The following UNC13B variants were observed in gnomAD, a reference collection of about 807,000 sequenced individuals.
UNC13B encodes protein unc-13 homolog B.
UNC13B carries 144 observed loss-of-function variants against 211.0 expected under a neutral mutation model. The ratio of observed to expected loss-of-function variants is 0.68; its 90% CI spans 0.60 to 0.78. The LOEUF (loss-of-function observed/expected upper bound fraction) is 0.78, where lower values mean the gene tolerates loss of function less well. Among genes scored for constraint, UNC13B ranks in the 30% least tolerant of loss-of-function variants. The pLI is 0.00. For missense variants in UNC13B, 1,777 were observed against 2,002.0 expected (o/e 0.89, Z 2.14); for synonymous variants, 709 against 725.8 (o/e 0.98, Z 0.37).
At chr9:35,218,756 T>C (rs972616917) in intron 1 of UNC13B, among the ~76,000 whole-genome samples, 1 of 151,546 alleles carries the variant, frequency 6.6e-6, no homozygotes, top group African/African-American at 2.4e-5. Flanking sequence ...TCTTTTCTCT[T>C]TTTTCTTTTT....
At chr9:35,170,790 TG>T (rs1022028248) in intron 1 of UNC13B, among the ~76,000 whole-genome samples, 1 of 151,844 alleles carries the variant, frequency 6.6e-6, no homozygotes, top group African/African-American at 2.4e-5. Context: ...TCTTTGAGTT[TG>T]GGGGTATTTT....
At chr9:35,390,877 G>A (rs1472623542) in intron 26 of UNC13B, among the ~76,000 whole-genome samples, 163 bp downstream of exon 26, 1 of 152,184 alleles carries the variant, frequency 6.6e-6, no homozygotes, top group African/African-American at 2.4e-5. Context: ...GAGACCTTGG[G>A]TGGGCAAAGT....
chr9:35,300,264 C>A lies in UNC13B; in HGVS notation c.860C>A (p.Ser287Tyr), dbSNP rs1241223809. The A allele has an allele frequency of 7.5e-6, 3 of 398,712 alleles. No individual in the cohort carries two copies. The highest frequency in any genetic ancestry group is 1.3e-5 in the Non-Finnish European group (3 of 226,018). The allele number at this position is 398,712 out of a possible 1,614,324, so 24.7% of individuals were successfully genotyped here. ...DSERRQYGERSETKTNYKSTY... is the reference protein window; with the variant it reads ...DSERRQYGERYETKTNYKSTY... ...GAAAGAAGGCAATATGGTGAGAGATCTGAAACTAAGACTAACTACAAAAGT... is the reference window on the plus strand; with the variant it reads ...GAAAGAAGGCAATATGGTGAGAGATATGAAACTAAGACTAACTACAAAAGT... Residue 287 changes from serine (S) to tyrosine (Y), a missense_variant, in exon 9 of 40, where the codon TCT becomes TAT. Physicochemically the swap from Ser to Tyr is moderately radical, Grantham distance 144. Transcript: ENST00000635942.
At chr9:35,368,527 CATCTGTCTTT>C (rs1350005009) in intron 12 of UNC13B, among the ~76,000 whole-genome samples, 1 of 152,130 alleles carries the variant, frequency 6.6e-6, no homozygotes, top group Non-Finnish European at 1.5e-5. Context: ...CATACTCATC[CATCTGTCTTT>C]ATGGTAGAAC....
intron 6 of UNC13B, among the ~76,000 whole-genome samples, chr9:35,256,227 T>C (rs897949197): frequency 3.9e-5 from 6 of 152,208 alleles, no homozygotes; most frequent in African/African-American, 1.4e-4. Flanking sequence ...CTTGAGTCTT[T>C]TTTGTTATTT....
chr9:35,312,530 C>G (rs759100908), intron 10 of UNC13B, among the ~76,000 whole-genome samples: 4 of 152,170 alleles, frequency 2.6e-5, no homozygotes, highest in Non-Finnish European at 5.9e-5. Context: ...GTGCCCAGCA[C>G]AAGTCCTTGT....
At chr9:35,391,758 A>G (rs1053973982) in intron 26 of UNC13B, among the ~76,000 whole-genome samples, 3 of 152,176 alleles carry the variant, frequency 2.0e-5, no homozygotes, top group Non-Finnish European at 4.4e-5. Flanking sequence ...ACCTGTGAAA[A>G]GTGAATCAAC....
chr9:35,382,740 T>C (rs1834941363), intron 21 of UNC13B, among the ~76,000 whole-genome samples: 1 of 151,890 alleles, frequency 6.6e-6, no homozygotes, highest in African/African-American at 2.4e-5. Flanking sequence ...TTTTTGTGCT[T>C]TTAGTAGAGA....
At position 35,384,300 on chromosome 9, in the gene UNC13B, C is replaced by T; in HGVS notation, c.10861C>T (p.Leu3621Phe). The change falls in exon 22 of 40, where the codon CTC becomes TTC. Residue 3621 changes from leucine to phenylalanine, a missense_variant. By Grantham distance (22) the Leu-to-Phe change is conservative (BLOSUM62 0). Transcript: ENST00000635942. ...DQLHNSLRID[L>F]STYRNNFPAG... ...GCTACACAACTCACTGAGGATCGACCTCTCTACATACAGGGTGAGTGAAGA... is the reference window on the plus strand; with the variant it reads ...GCTACACAACTCACTGAGGATCGACTTCTCTACATACAGGGTGAGTGAAGA... 1 of 1,613,952 alleles carries T rather than the reference C, an allele frequency of 6.2e-7. No individual in the cohort carries two copies. The highest frequency in any genetic ancestry group is 8.5e-7 in the Non-Finnish European group (1 of 1,179,952).
At chr9:35,195,006 T>C (rs1484876235) in intron 1 of UNC13B, among the ~76,000 whole-genome samples, 2 of 152,196 alleles carry the variant, frequency 1.3e-5, no homozygotes, top group East Asian at 1.9e-4. Context: ...CTGATTTACA[T>C]AGGGCTCACA....
chr9:35,344,556 A>G (rs1832232200), intron 11 of UNC13B, among the ~76,000 whole-genome samples: 1 of 152,144 alleles, frequency 6.6e-6, no homozygotes, highest in Non-Finnish European at 1.5e-5. Context: ...AAATTCAGAA[A>G]CAAATAAGAC....
intron 5 of UNC13B, among the ~76,000 whole-genome samples, chr9:35,242,558 A>G (rs548896363): frequency 6.6e-6 from 1 of 152,092 alleles, no homozygotes; most frequent in East Asian, 1.9e-4. Flanking sequence ...TTTGTGATGG[A>G]CTCATTTCAT....
chr9:35,227,969 T>C, intron 1 of UNC13B, 46 bp from the exon 2 acceptor site: 1 of 1,583,932 alleles, frequency 6.3e-7, no homozygotes, highest in Non-Finnish European at 8.6e-7. Context: ...TTAAGTAAAA[T>C]GAACTTGGAA....
Position 35,259,031 on chromosome 9 carries a change from C to G in UNC13B, c.507C>G (p.Pro169=), listed in dbSNP as rs749697363. 6.2e-7 allele frequency: 1 copy of G among 1,613,920 alleles called. No individual in the cohort carries two copies. The highest frequency in any genetic ancestry group is 8.5e-7 in the Non-Finnish European group (1 of 1,179,946). ...SQEESQRKPL[P]TAAAQCSFED... ...AAGAAAGCCAGAGGAAGCCATTGCC[C>G]ACTGCTGCCGCCCAGTGTTGTAAGT... Residue 169 remains proline (P), a synonymous_variant, in exon 7 of 40, where the codon CCC becomes CCG. Coordinates refer to ENST00000635942, the MANE Select transcript of UNC13B (RefSeq NM_001371189.2).
At chr9:35,294,811 T>A (rs1358980027) in intron 7 of UNC13B, among the ~76,000 whole-genome samples, 2 of 152,176 alleles carry the variant, frequency 1.3e-5, no homozygotes, top group Non-Finnish European at 2.9e-5. Flanking sequence ...AAAGCACTCT[T>A]AGGTTGAGCT....
chr9:35,172,306 A>C (rs923192559), intron 1 of UNC13B, among the ~76,000 whole-genome samples: 1 of 152,142 alleles, frequency 6.6e-6, no homozygotes, highest in African/African-American at 2.4e-5. Flanking sequence ...CACCTCAAAC[A>C]TCTTTCATAC....
chr9:35,335,333 T>C (rs1005549452), intron 11 of UNC13B, among the ~76,000 whole-genome samples: 41 of 152,238 alleles, frequency 2.7e-4, no homozygotes, highest in African/African-American at 9.6e-4. Flanking sequence ...GGGAGATCCA[T>C]GGCCTCTTGC....
rs1215023352 is a variant in UNC13B at position 35,194,743 on chromosome 9, A to G, written c.22+32438A>G. ...GTTTTGATGAGCGTTGTACCTTGGT[A>G]TCCTGAGTGAGCACCCTGACATGAT... On this transcript the variant is annotated intron_variant, in intron 1 of 39. Transcript: ENST00000635942. Among the ~76,000 whole-genome samples the G allele has an allele frequency of 5.3e-5, 8 of 152,340 alleles. No homozygotes were observed. In the East Asian group the frequency reaches 1.5e-3, roughly 29 times the overall value.
intron 7 of UNC13B, among the ~76,000 whole-genome samples, chr9:35,272,331 C>T (rs867709358): frequency 1.4e-5 from 2 of 144,108 alleles, no homozygotes; most frequent in African/African-American, 2.6e-5. Flanking sequence ...AATCTTGGGT[C>T]ACTGCAACCT....
Sources: allele counts gnomAD v4.1 joint callset (sites outside exome capture counted in the v4.1 genomes callset), GRCh38; gene constraint gnomAD v4.1.1; transcripts MANE v1.5; gene names NCBI Gene and HGNC (gene_info 2026-07-23, HGNC 2026-07-21).